Variants in ARRDC2 observed in about 807,000 individuals in gnomAD.
The protein encoded by ARRDC2 is arrestin domain containing 2.
Under a neutral mutation model 38.9 loss-of-function variants are expected in ARRDC2, and 39 were observed. That is an observed-to-expected ratio of 1.00 (90% confidence interval 0.78 to 1.31). ARRDC2 has a LOEUF of 1.31. ARRDC2 is among the 50% of genes most tolerant of loss of function. The pLI, the probability that ARRDC2 is intolerant of heterozygous loss-of-function variation, is 0.00. For synonymous variants in ARRDC2, 300 were observed against 261.9 expected, an observed-to-expected ratio of 1.15 and a Z score of -1.41; for missense variants, 553 against 588.4, an observed-to-expected ratio of 0.94 and a Z score of 0.62.
chr19:18,008,454 G>A lies in ARRDC2; in HGVS notation c.144G>A (p.Arg48=), dbSNP rs1234004316. The A allele has an allele frequency of 1.3e-6, 2 of 1,546,516 alleles. No individual in the cohort carries two copies. Among genetic ancestry groups the A allele is most frequent in the African/African-American group, 1.4e-5 (1 of 73,652 alleles). The stretch of plus-strand genomic sequence containing the variant: ...GCGCCGCGCGTGTGGGTGCCCTGAG[G>A]CTGCGCGCGCGGGGCCGCGCCCACG... ...LSSAARVGAL[R]LRARGRAHVH... The change falls in exon 1 of 8, where the codon AGG becomes AGA. Residue 48 remains arginine (R), a synonymous_variant. Transcript: ENST00000222250.
upstream of ARRDC2, among the ~76,000 whole-genome samples, chr19:18,005,691 C>T (rs566667083): frequency 2.1e-4 from 31 of 150,530 alleles, 1 homozygote; most frequent in Admixed American, 1.4e-3. Context: ...ACCTCCCTCC[C>T]GGATGGGGCG....
In ARRDC2 at chr19:18,010,263, C is replaced by A; in HGVS notation, c.917C>A (p.Pro306His). 6.2e-7 allele frequency: 1 copy of A among 1,613,942 alleles called. No individual in the cohort carries two copies. Among genetic ancestry groups the A allele is most frequent in the Non-Finnish European group, 8.5e-7 (1 of 1,180,028 alleles). The change falls in exon 6 of 8, where the codon CCC (proline) becomes CAC (histidine). Residue 306 changes from proline (P) to histidine (H), a missense_variant. Pro to His is a moderately conservative substitution (Grantham distance 77). Around this residue, in one of 3 missense-constraint regions of ARRDC2, gnomAD observed 447 missense variants for 456.6 expected, o/e 0.98. Transcript: ENST00000222250. Reference protein sequence around the residue: ...LELPLVIGTIPLHPFGSRSSS... With the variant: ...LELPLVIGTIHLHPFGSRSSS... ...CTGCCACTGGTGATCGGCACCATTCCCTTGCACCCTTTTGGCAGCCGTTCC... is the reference window on the plus strand; with the variant it reads ...CTGCCACTGGTGATCGGCACCATTCACTTGCACCCTTTTGGCAGCCGTTCC...
rs780715164 is a variant in ARRDC2, at chr19:18,009,011, C to A, written c.382C>A (p.Arg128Ser). Residue 128 changes from arginine to serine, a missense_variant, in exon 3 of 8, where the codon CGC becomes AGC. By Grantham distance (110) the Arg-to-Ser change is moderately radical. This residue lies in a region of ARRDC2 where 447 missense variants were observed against 456.6 expected (regional missense o/e 0.98). Coordinates refer to ENST00000222250, the MANE Select transcript of ARRDC2 (RefSeq NM_015683.2). ...TSFEGKHGSVRYCIKATLHRP... is the reference protein window; with the variant it reads ...TSFEGKHGSVSYCIKATLHRP... ...CTTCGAGGGCAAACACGGTAGTGTC[C>A]GCTACTGTATCAAGGCCACCCTGCA... 6.2e-6 allele frequency: 10 copies of A among 1,613,656 alleles called. No individual in the cohort carries two copies. The highest frequency in any genetic ancestry group is 7.6e-6 in the Non-Finnish European group (9 of 1,180,018).
upstream of ARRDC2, among the ~76,000 whole-genome samples, chr19:18,003,431 TAACTTTTTG>T (rs1474335343): frequency 1.1e-4 from 15 of 139,886 alleles, no homozygotes; most frequent in Admixed American, 4.8e-4. Context: ...CACACCCGGC[TAACTTTTTG>T]TTTTGTTTTG....
At chr19:18,008,124 C>CCCCCCCCCCCCCCCCCAAAAAAAAA, upstream of ARRDC2, 2 of 766,804 alleles carry the variant, frequency 2.6e-6, no homozygotes, top group Non-Finnish European at 3.6e-6. Flanking sequence ...TGACCCCACC[C>CCCCCCCCCCCCCCCCCAAAAAAAAA]CCCCCCGCCC....
At chr19:18,010,427 C>A in intron 6 of ARRDC2, 69 bp downstream of exon 6, 1 of 1,570,460 alleles carries the variant, frequency 6.4e-7, no homozygotes, top group Non-Finnish European at 8.6e-7. Context: ...CGGGTCAACT[C>A]TCTCACCACG....
At chr19:18,012,199 T>G (rs1329244238) in intron 7 of ARRDC2, among the ~76,000 whole-genome samples, 1 of 151,142 alleles carries the variant, frequency 6.6e-6, no homozygotes, top group Non-Finnish European at 1.5e-5. Context: ...CCTCAGGTGA[T>G]CTGCCTGCCT....
upstream of ARRDC2, among the ~76,000 whole-genome samples, chr19:18,003,265 TTG>T (rs1249874729): frequency 1.3e-5 from 2 of 152,024 alleles, no homozygotes; most frequent in Non-Finnish European, 2.9e-5. Flanking sequence ...CACTCCGTTT[TTG>T]TGTTTGTTTT....
chr19:18,008,034 A>T, upstream of ARRDC2: 16 of 874,580 alleles, frequency 1.8e-5, no homozygotes, highest in East Asian at 3.9e-5. Context: ...GGCGTTTGTT[A>T]TTTTGCTCCA....
chr19:18,011,555 C>G (rs2033412279), intron 7 of ARRDC2, among the ~76,000 whole-genome samples: 1 of 152,058 alleles, frequency 6.6e-6, no homozygotes, highest in Admixed American at 6.6e-5. Context: ...TAAATACATA[C>G]ATGGATAATA....
upstream of ARRDC2, chr19:18,008,116 A>AGGGCC: frequency 1.4e-4 from 73 of 522,452 alleles, no homozygotes; most frequent in Non-Finnish European, 1.9e-4. Flanking sequence ...AGAGACGGTG[A>AGGGCC]CCCCACCCCC....
chr19:18,003,938 C>G (rs1427046856), upstream of ARRDC2, among the ~76,000 whole-genome samples: 1 of 151,652 alleles, frequency 6.6e-6, no homozygotes, highest in Non-Finnish European at 1.5e-5. Flanking sequence ...AGTGCCCGGC[C>G]AATTTTTGTA....
At chr19:18,009,181 T>C in intron 3 of ARRDC2, 63 bp downstream of exon 3, 1 of 1,571,386 alleles carries the variant, frequency 6.4e-7, no homozygotes, top group Non-Finnish European at 8.7e-7. Flanking sequence ...GCCTGGCTGC[T>C]GGGCGACACC....
At position 18,008,960 on chromosome 19, in the gene ARRDC2, C is replaced by G; in HGVS notation, c.342-11C>G. ...TATCTTGTCCCCTGAAGTCCCGTCC[C>G]TCCACCCTAGGACCCTGGTGACATC... On this transcript the variant is annotated splice_polypyrimidine_tract_variant and intron_variant, in intron 2 of 7. Coordinates refer to ENST00000222250, the MANE Select transcript of ARRDC2 (RefSeq NM_015683.2). 4 of 1,613,030 alleles carry G rather than the reference C, an allele frequency of 2.5e-6. No individual in the cohort carries two copies. Among genetic ancestry groups the G allele is most frequent in the Middle Eastern group, 1.7e-4 (1 of 6,054 alleles).
upstream of ARRDC2, chr19:18,007,606 T>G (rs1276507351): frequency 6.5e-6 from 1 of 153,464 alleles, no homozygotes; most frequent in Admixed American, 6.5e-5. Context: ...AAACTGAGGC[T>G]CCAAGAGGTT....
chr19:18,003,852 A>G (rs951085107), upstream of ARRDC2, among the ~76,000 whole-genome samples: 22 of 151,582 alleles, frequency 1.5e-4, no homozygotes, highest in African/African-American at 5.1e-4. Context: ...TGTTAGCCAG[A>G]ATGGTCTCGA....
intron 5 of ARRDC2, 41 bp from the exon 6 acceptor site, chr19:18,010,155 G>T (rs1189788068): frequency 6.2e-7 from 1 of 1,607,366 alleles, no homozygotes; most frequent in Non-Finnish European, 8.5e-7. Context: ...GGGGGTTGGG[G>T]AGGCTGCCTG....
chr19:18,010,389 G>T lies in ARRDC2; in HGVS notation c.1012+31G>T, dbSNP rs766203248. 1.9e-6 allele frequency: 3 copies of T among 1,597,070 alleles called. No individual in the cohort carries two copies. The Admixed American group carries it at 5.1e-5, about 27-fold the overall frequency. Reference sequence around the variant, plus strand: ...CTCCCACCCTGCTTGCATGCAGAGGGTGGGTGGATACACGGAGAGGTGGAT... The same window carrying T: ...CTCCCACCCTGCTTGCATGCAGAGGTTGGGTGGATACACGGAGAGGTGGAT... On this transcript the variant is annotated intron_variant, in intron 6 of 7. Coordinates refer to ENST00000222250, the MANE Select transcript of ARRDC2 (RefSeq NM_015683.2).
At chr19:18,004,781 C>T (rs1473445605), upstream of ARRDC2, among the ~76,000 whole-genome samples, 1 of 151,452 alleles carries the variant, frequency 6.6e-6, no homozygotes, top group Non-Finnish European at 1.5e-5. Flanking sequence ...GGGCAGATCG[C>T]TTGAGCTCAA....
Sources: allele counts gnomAD v4.1 joint callset (sites outside exome capture counted in the v4.1 genomes callset), GRCh38; gene constraint gnomAD v4.1.1; regional missense constraint gnomAD v4.1.1; transcripts MANE v1.5; gene names NCBI Gene and HGNC (gene_info 2026-07-23, HGNC 2026-07-21).